JCAD: variants seen among roughly 807,000 people sequenced by gnomAD.
JCAD encodes the protein junctional cadherin 5 associated, also known as junctional cadherin 5-associated protein.
JCAD carries 40 observed loss-of-function variants against 98.0 expected under a neutral mutation model. The ratio of observed to expected loss-of-function variants is 0.41; its 90% CI spans 0.32 to 0.53. The LOEUF (loss-of-function observed/expected upper bound fraction) is 0.53, where lower values mean the gene tolerates loss of function less well. Among genes scored for constraint, JCAD ranks in the 20% least tolerant of loss-of-function variants. The probability of loss-of-function intolerance (pLI) is 0.31; values close to 1 mark genes in which losing one functional copy is unlikely to be tolerated. For synonymous variants in JCAD, 691 were observed against 682.3 expected, an observed-to-expected ratio of 1.01 and a Z score of -0.20; for missense variants, 1,705 against 1,738.1, an observed-to-expected ratio of 0.98 and a Z score of 0.34.
chr10:30,026,124 C>T lies in JCAD; in HGVS notation c.4024G>A (p.Asp1342Asn), dbSNP rs1249650730. Residue 1342 changes from aspartate (D) to asparagine (N), a missense_variant, in exon 3 of 4, where the codon GAT (aspartate) becomes AAT (asparagine). This residue lies in a region of JCAD where 1,278 missense variants were observed against 1,243.1 expected (regional missense o/e 1.03). Transcript: ENST00000375377. ...HPAAQKEKSM[D>N]QDFWCPDSYD... Reference sequence around the variant, plus strand: ...TCACCTGGGCACCAGAAGTCTTGATCCATGCTCTTCTCCTTTTGTGCTGCC... The same window carrying T: ...TCACCTGGGCACCAGAAGTCTTGATTCATGCTCTTCTCCTTTTGTGCTGCC... The T allele has an allele frequency of 2.5e-6, 4 of 1,614,082 alleles. No individual in the cohort carries two copies. The highest frequency in any genetic ancestry group is 3.4e-6 in the Non-Finnish European group (4 of 1,180,048).
At chr10:30,038,920 C>T (rs1294528822) in intron 2 of JCAD, among the ~76,000 whole-genome samples, 1 of 152,094 alleles carries the variant, frequency 6.6e-6, no homozygotes, top group Non-Finnish European at 1.5e-5. Flanking sequence ...GGTGCTAGAA[C>T]CTCTCACTGG....
chr10:30,105,738 G>A (rs1036033070), intron 1 of JCAD, among the ~76,000 whole-genome samples: 5 of 152,128 alleles, frequency 3.3e-5, no homozygotes, highest in African/African-American at 1.2e-4. Flanking sequence ...TAAGGCTATT[G>A]TAAAATAATT....
At chr10:30,050,263 C>G (rs561381779) in intron 1 of JCAD, among the ~76,000 whole-genome samples, 201 of 129,388 alleles carry the variant, frequency 1.6e-3, no homozygotes, top group African/African-American at 5.5e-3. Context: ...GGCCATGAGC[C>G]AAAATCATGC....
intron 1 of JCAD, among the ~76,000 whole-genome samples, chr10:30,097,212 T>C (rs967352647): frequency 6.6e-6 from 1 of 152,234 alleles, no homozygotes; most frequent in Non-Finnish European, 1.5e-5. Context: ...ATTTTAACTT[T>C]ATTTAATTTT....
At position 30,037,645 on chromosome 10, in the gene JCAD, T is replaced by TA. The variant is rs35772464; in HGVS notation, c.282-7780dup. On this transcript the variant is annotated intron_variant, in intron 2 of 3. Transcript: ENST00000375377. ...TTTCTGGAGGTTACAGTTTTGTTATTAAAAAAAAATACACAAATAATGGGT... is the reference window on the plus strand; with the variant it reads ...TTTCTGGAGGTTACAGTTTTGTTATTAAAAAAAAAATACACAAATAATGGGT... Among the ~76,000 whole-genome samples the TA allele has an allele frequency of 1.6e-4, 24 of 151,112 alleles. No individual in the cohort carries two copies. The South Asian group carries it at 1.7e-3, about 11-fold the overall frequency.
At chr10:30,089,177 T>G (rs1935437) in intron 1 of JCAD, among the ~76,000 whole-genome samples, 65,692 of 151,868 alleles carry the variant, frequency 0.43, 16,064 homozygotes, top group African/African-American at 0.66. Context: ...CCTTGGTAAA[T>G]TCAATTTCCC....
At chr10:30,113,422 G>C (rs1156265567) in intron 1 of JCAD, among the ~76,000 whole-genome samples, 1 of 151,646 alleles carries the variant, frequency 6.6e-6, no homozygotes, top group Non-Finnish European at 1.5e-5. Flanking sequence ...GTGGTGGCAG[G>C]CGCCTGTAAT....
intron 1 of JCAD, among the ~76,000 whole-genome samples, chr10:30,076,672 G>T (rs1050155073): frequency 2.0e-5 from 3 of 152,112 alleles, no homozygotes; most frequent in Non-Finnish European, 4.4e-5. Flanking sequence ...TCTATGTGCA[G>T]CTAGAACAAT....
intron 1 of JCAD, among the ~76,000 whole-genome samples, chr10:30,103,733 C>CTTTTTTT (rs3858238): frequency 7.9e-6 from 1 of 126,748 alleles, no homozygotes; most frequent in Non-Finnish European, 1.6e-5. Context: ...GTCAATTTTT[C>CTTTTTTT]TTTTTTTTTT....
Position 30,047,849 on chromosome 10 carries a change from C to A in JCAD, c.-37G>T. 6.4e-7 allele frequency: 1 copy of A among 1,570,050 alleles called. No individual in the cohort carries two copies. On this transcript the variant is annotated 5_prime_UTR_variant, in exon 2 of 4. The change abolishes an upstream ATG in the 5' untranslated region. Coordinates refer to ENST00000375377, the MANE Select transcript of JCAD (RefSeq NM_020848.4). Reference sequence around the variant, plus strand: ...TTCAGCAAAGCTCAACCACTGGAACCATGGTGGTGGCAGGACCCAGCACTG... The same window carrying A: ...TTCAGCAAAGCTCAACCACTGGAACAATGGTGGTGGCAGGACCCAGCACTG...
chr10:30,048,451 A>G (rs1053546716), intron 1 of JCAD, among the ~76,000 whole-genome samples: 46 of 152,360 alleles, frequency 3.0e-4, no homozygotes, highest in African/African-American at 9.6e-4. Flanking sequence ...CGGGGCAGTT[A>G]ACTAGCAACC....
intron 2 of JCAD, among the ~76,000 whole-genome samples, chr10:30,046,258 A>T (rs1208736985): frequency 6.6e-6 from 1 of 152,008 alleles, no homozygotes; most frequent in Admixed American, 6.6e-5. Flanking sequence ...CGCCTGGGAG[A>T]GGGTTTCAGG....
intron 1 of JCAD, among the ~76,000 whole-genome samples, chr10:30,104,063 G>A (rs971630325): frequency 2.6e-5 from 4 of 152,164 alleles, no homozygotes; most frequent in African/African-American, 9.7e-5. Context: ...AAGGCAGAGA[G>A]GGAGGAAAAA....
At chr10:30,113,564 A>AAG (rs1838743112) in intron 1 of JCAD, among the ~76,000 whole-genome samples, 1 of 148,156 alleles carries the variant, frequency 6.7e-6, no homozygotes, top group African/African-American at 2.5e-5. Flanking sequence ...AAAAAAAAAA[A>AAG]AAAAAAAAAA....
rs756349116 is a variant in JCAD, at chr10:30,027,221, G to C, written c.2927C>G (p.Thr976Arg). Residue 976 changes from threonine (T) to arginine (R), a missense_variant, in exon 3 of 4, where the codon ACG becomes AGG. Coordinates refer to ENST00000375377, the MANE Select transcript of JCAD (RefSeq NM_020848.4). ...GTCACTTGATCTTGAAGACATTCTCGTCACAGGAAATGGGCTACCTGCCAG... is the reference window on the plus strand; with the variant it reads ...GTCACTTGATCTTGAAGACATTCTCCTCACAGGAAATGGGCTACCTGCCAG... Reference protein sequence around the residue: ...DELAGSPFPVTRMSSRSSDAK... With the variant: ...DELAGSPFPVRRMSSRSSDAK... The C allele has an allele frequency of 5.0e-6, 8 of 1,614,032 alleles. No individual in the cohort carries two copies. The Admixed American group carries it at 1.3e-4, about 27-fold the overall frequency.
chr10:30,048,354 C>G (rs1050257432), intron 1 of JCAD, among the ~76,000 whole-genome samples: 2 of 152,204 alleles, frequency 1.3e-5, no homozygotes, highest in African/African-American at 4.8e-5. Flanking sequence ...ACCTTCTGCT[C>G]TAGGAGAGAG....
chr10:30,050,784 C>T (rs780177761), intron 1 of JCAD, among the ~76,000 whole-genome samples: 25 of 152,206 alleles, frequency 1.6e-4, no homozygotes, highest in Admixed American at 1.2e-3. Context: ...TAAACTCTTC[C>T]TCTACCAACT....
In JCAD at chr10:30,028,933, C is replaced by G. The variant is rs761714350; in HGVS notation, c.1215G>C (p.Gln405His). 1 of 1,614,074 alleles carries G rather than the reference C, an allele frequency of 6.2e-7. No individual in the cohort carries two copies. Among genetic ancestry groups the G allele is most frequent in the Non-Finnish European group, 8.5e-7 (1 of 1,179,992 alleles). Reference sequence around the variant, plus strand: ...CAGGTCGGGGATGTGCGGGGAGCCCCTGAGGCAAGCGGGGGCTCACACCAT... The same window carrying G: ...CAGGTCGGGGATGTGCGGGGAGCCCGTGAGGCAAGCGGGGGCTCACACCAT... ...NEYGVSPRLP[Q>H]GLPAHPRPVT... The change falls in exon 3 of 4, where the codon CAG becomes CAC. Residue 405 changes from glutamine to histidine, a missense_variant. By Grantham distance (24) the Gln-to-His change is conservative (BLOSUM62 0). Coordinates refer to ENST00000375377, the MANE Select transcript of JCAD (RefSeq NM_020848.4).
At position 30,016,794 on chromosome 10, in the gene JCAD, A is replaced by G. The variant is rs1836544695; in HGVS notation, c.*1089T>C. The stretch of plus-strand genomic sequence containing the variant: ...GTCATGACAATGTTGGCTGGTTTTC[A>G]GAGGGTTATTTTCAAATATAACCTG... On this transcript the variant is annotated 3_prime_UTR_variant, in exon 4 of 4. Coordinates refer to ENST00000375377, the MANE Select transcript of JCAD (RefSeq NM_020848.4). 6.6e-6 allele frequency: 1 copy of G among 152,226 alleles called. No homozygotes were observed. The allele number at this position is 152,226 out of a possible 1,614,324, so 9.4% of individuals were successfully genotyped here.
Sources: gnomAD v4.1 joint callset for allele counts (sites outside exome capture counted in the v4.1 genomes callset) on GRCh38, gnomAD v4.1.1 for gene constraint, gnomAD v4.1.1 regional missense constraint, MANE v1.5 for transcripts, NCBI Gene and HGNC (gene_info 2026-07-23, HGNC 2026-07-21) for gene names.